NEBL: variants seen among roughly 807,000 people sequenced by gnomAD.
NEBL encodes the protein LIM and SH3 protein 2.
Under a neutral mutation model 140.2 loss-of-function variants are expected in NEBL, and 122 were observed. The ratio of observed to expected loss-of-function variants is 0.87; its 90% confidence interval spans 0.75 to 1.01. The LOEUF (loss-of-function observed/expected upper bound fraction) is 1.01, where lower values mean the gene tolerates loss of function less well. NEBL is among the 50% of genes least tolerant of loss of function. The pLI is 0.00. For synonymous variants in NEBL, 436 were observed against 398.9 expected, an observed-to-expected ratio of 1.09 and a Z score of -1.11; for missense variants, 1,365 against 1,231.3, an observed-to-expected ratio of 1.11 and a Z score of -1.62.
At chr10:20,838,229 T>C (rs968922266) in intron 13 of NEBL, among the ~76,000 whole-genome samples, 2 of 152,220 alleles carry the variant, frequency 1.3e-5, no homozygotes, top group Non-Finnish European at 2.9e-5. Flanking sequence ...TTAAGAAGAT[T>C]AGTGATTCAT....
At chr10:20,881,823 A>G (rs1846033204) in intron 4 of NEBL, among the ~76,000 whole-genome samples, 1 of 152,250 alleles carries the variant, frequency 6.6e-6, no homozygotes, top group Admixed American at 6.5e-5. Flanking sequence ...GAAGGACAGA[A>G]AGGCAATATT....
intron 11 of NEBL, among the ~76,000 whole-genome samples, chr10:20,849,476 G>C (rs377307039): frequency 6.6e-6 from 1 of 152,146 alleles, no homozygotes; most frequent in Non-Finnish European, 1.5e-5. Context: ...AGGCCATAGC[G>C]CTCTGCCTCA....
chr10:20,860,200 G>T (rs1843534041), intron 7 of NEBL, among the ~76,000 whole-genome samples: 1 of 152,000 alleles, frequency 6.6e-6, no homozygotes, highest in Non-Finnish European at 1.5e-5. Context: ...CTAGGCCCCA[G>T]AATTTAAATA....
At chr10:20,909,184 T>C (rs868231991) in intron 4 of NEBL, among the ~76,000 whole-genome samples, 1 of 152,008 alleles carries the variant, frequency 6.6e-6, no homozygotes, top group Non-Finnish European at 1.5e-5. Flanking sequence ...TTTTAAAATA[T>C]ACAATTAAGT....
At chr10:20,787,116 A>C in intron 27 of NEBL, 86 bp downstream of exon 27, 1 of 1,029,760 alleles carries the variant, frequency 9.7e-7, no homozygotes, top group South Asian at 1.4e-5. Context: ...CCCAATATTC[A>C]ATTCAACTCT....
At chr10:20,910,828 G>GTTTTTTT (rs5783756) in intron 4 of NEBL, among the ~76,000 whole-genome samples, 1 of 146,592 alleles carries the variant, frequency 6.8e-6, no homozygotes, top group African/African-American at 2.5e-5. Context: ...TTTCGTTTTT[G>GTTTTTTT]TTTTTTTTTT....
intron 2 of NEBL, among the ~76,000 whole-genome samples, chr10:21,061,358 T>TGTAACATGTTACATATTATGTGATATGTA (rs1554822046): frequency 3.4e-5 from 5 of 148,046 alleles, no homozygotes; most frequent in East Asian, 2.0e-4. Context: ...TTACATAATA[T>TGTAACATGTTACATATTATGTGATATGTA]ATGGGTCAGA....
At chr10:21,178,820 C>T (rs12782823), upstream of NEBL, among the ~76,000 whole-genome samples, 23,946 of 152,052 alleles carry the variant, frequency 0.16, 2,110 homozygotes, top group East Asian at 0.34. Flanking sequence ...TTTCTAGACT[C>T]GGAAAGAGGA....
chr10:21,175,292 A>G (rs1303040777), upstream of NEBL, among the ~76,000 whole-genome samples: 1 of 152,020 alleles, frequency 6.6e-6, no homozygotes, highest in East Asian at 1.9e-4. Context: ...AACAGCTTCT[A>G]CTCTCCTGCT....
intron 1 of NEBL, among the ~76,000 whole-genome samples, chr10:21,284,389 C>T (rs1843031230): frequency 6.9e-6 from 1 of 144,634 alleles, no homozygotes; most frequent in African/African-American, 2.5e-5. Context: ...CTTCCTGCAG[C>T]CCACCCTCCC....
chr10:20,886,489 A>G (rs542917981), intron 4 of NEBL, among the ~76,000 whole-genome samples: 1 of 152,330 alleles, frequency 6.6e-6, no homozygotes, highest in Admixed American at 6.5e-5. Context: ...AGATCAAGCC[A>G]CTGCATTCCA....
intron 16 of NEBL, among the ~76,000 whole-genome samples, 157 bp from the exon 17 acceptor site, chr10:20,828,791 G>A (rs1840128844): frequency 6.6e-6 from 1 of 151,988 alleles, no homozygotes; most frequent in Non-Finnish European, 1.5e-5. Flanking sequence ...GAGGTGGAGA[G>A]ACAGAGATAG....
At chr10:21,014,171 T>A (rs936966226) in intron 3 of NEBL, among the ~76,000 whole-genome samples, 1 of 152,158 alleles carries the variant, frequency 6.6e-6, no homozygotes, top group African/African-American at 2.4e-5. Flanking sequence ...TCACCCAGGC[T>A]GGAGTGCAGT....
At chr10:21,071,771 A>G (rs11012503) in intron 2 of NEBL, among the ~76,000 whole-genome samples, 24,067 of 151,518 alleles carry the variant, frequency 0.16, 2,375 homozygotes, top group African/African-American at 0.29. Flanking sequence ...AGTTCCAAAG[A>G]TCAGAGGTCC....
chr10:20,813,090 G>A (rs1838339689), intron 23 of NEBL, 150 bp from the exon 24 acceptor site: 2 of 706,656 alleles, frequency 2.8e-6, no homozygotes, highest in South Asian at 3.3e-5. Context: ...CTAAAGTCTG[G>A]AACTTCAGTT....
At chr10:21,153,798 G>A (rs751066888) in intron 2 of NEBL, among the ~76,000 whole-genome samples, 12 of 152,106 alleles carry the variant, frequency 7.9e-5, no homozygotes, top group Non-Finnish European at 1.3e-4. Context: ...ACAGGCGTGA[G>A]CCACCGTGCC....
At chr10:20,968,642 G>C (rs1836436703) in intron 3 of NEBL, among the ~76,000 whole-genome samples, 1 of 152,320 alleles carries the variant, frequency 6.6e-6, no homozygotes, top group South Asian at 2.1e-4. Flanking sequence ...TATAGGAGGA[G>C]AACAGTATTT....
intron 2 of NEBL, among the ~76,000 whole-genome samples, chr10:21,040,120 C>A (rs589483): frequency 0.6 from 91,900 of 152,030 alleles, 27,884 homozygotes; most frequent in East Asian, 0.72. Flanking sequence ...GCAATCCCAG[C>A]ACTTTGGGAG....
At chr10:20,913,139 G>C (rs1848399173) in intron 4 of NEBL, among the ~76,000 whole-genome samples, 1 of 152,126 alleles carries the variant, frequency 6.6e-6, no homozygotes, top group Non-Finnish European at 1.5e-5. Flanking sequence ...CCAGGTGGAG[G>C]ATCAGCCATC....
Sources: allele counts gnomAD v4.1 joint callset (sites outside exome capture counted in the v4.1 genomes callset), GRCh38; gene constraint gnomAD v4.1.1; transcripts MANE v1.5; gene names NCBI Gene and HGNC (gene_info 2026-07-23, HGNC 2026-07-21).